Variants in MAPK4 observed in about 807,000 individuals in gnomAD.
The protein encoded by MAPK4 is Erk3-related.
In MAPK4, 22 loss-of-function variants were observed where a neutral mutation model predicts 47.7. The ratio of observed to expected loss-of-function variants is 0.46; its 90% CI spans 0.33 to 0.66. MAPK4 has a LOEUF of 0.66. Among genes scored for constraint, MAPK4 ranks in the 30% least tolerant of loss-of-function variants. The probability of loss-of-function intolerance (pLI) is 0.02; values close to 1 mark genes in which losing one functional copy is unlikely to be tolerated. For missense variants in MAPK4, 736 were observed against 831.7 expected, an observed-to-expected ratio of 0.88 and a Z score of 1.42; for synonymous variants, 390 against 365.7, an observed-to-expected ratio of 1.07 and a Z score of -0.76.
At chr18:50,573,038 T>C (rs913240352) in intron 1 of MAPK4, among the ~76,000 whole-genome samples, 1 of 152,150 alleles carries the variant, frequency 6.6e-6, no homozygotes, top group Non-Finnish European at 1.5e-5. Context: ...TATGGGGCAG[T>C]CATAAGCTTT....
At chr18:50,707,428 G>A (rs2144405616) in intron 2 of MAPK4, among the ~76,000 whole-genome samples, 1 of 152,130 alleles carries the variant, frequency 6.6e-6, no homozygotes, top group African/African-American at 2.4e-5. Flanking sequence ...AAATTAGCAA[G>A]GCATGGTGGC....
intron 2 of MAPK4, among the ~76,000 whole-genome samples, chr18:50,679,692 G>C (rs981109031): frequency 6.6e-6 from 1 of 152,174 alleles, no homozygotes; most frequent in African/African-American, 2.4e-5. Context: ...GAACTTTCCT[G>C]GTACCCTCTG....
At chr18:50,585,311 T>C (rs2042378958) in intron 1 of MAPK4, among the ~76,000 whole-genome samples, 1 of 152,190 alleles carries the variant, frequency 6.6e-6, no homozygotes. Context: ...TGATCTTTGA[T>C]ATGAATGTCG....
Position 50,729,287 on chromosome 18 carries a change from G to A in MAPK4, c.1197G>A (p.Lys399=). The change falls in exon 6 of 6, where the codon AAG becomes AAA. Residue 399 remains lysine, a synonymous_variant. Coordinates refer to ENST00000400384, the MANE Select transcript of MAPK4 (RefSeq NM_002747.4). ...LAEDVQVDPR[K]DSHSSSERFL... Reference sequence around the variant, plus strand: ...AGGACGTGCAGGTGGACCCGCGCAAGGACTCGCACAGCAGCTCCGAGCGCT... The same window carrying A: ...AGGACGTGCAGGTGGACCCGCGCAAAGACTCGCACAGCAGCTCCGAGCGCT... 6.2e-7 allele frequency: 1 copy of A among 1,608,976 alleles called. No individual in the cohort carries two copies. The highest frequency in any genetic ancestry group is 8.5e-7 in the Non-Finnish European group (1 of 1,177,650).
intron 1 of MAPK4, among the ~76,000 whole-genome samples, chr18:50,635,777 C>T (rs1407115679): frequency 4.6e-5 from 7 of 152,174 alleles, no homozygotes; most frequent in African/African-American, 2.4e-5. Context: ...GTCTGGTCCA[C>T]GGGTGCTTAT....
intron 2 of MAPK4, chr18:50,670,172 A>C (rs886831801): frequency 1.3e-5 from 2 of 152,096 alleles, no homozygotes; most frequent in Admixed American, 6.6e-5. Flanking sequence ...AAAAAAAAAA[A>C]AAAACACTCA....
At chr18:50,705,965 G>A (rs893135466) in intron 2 of MAPK4, 1 of 152,144 alleles carries the variant, frequency 6.6e-6, no homozygotes, top group African/African-American at 2.4e-5. Context: ...TCACTGCTGG[G>A]ATCAGATCTC....
chr18:50,602,776 A>C (rs2042551772), intron 1 of MAPK4, among the ~76,000 whole-genome samples: 1 of 152,174 alleles, frequency 6.6e-6, no homozygotes, highest in Admixed American at 6.5e-5. Context: ...TGCATGAAGG[A>C]GATACAAGAA....
intron 3 of MAPK4, among the ~76,000 whole-genome samples, chr18:50,716,055 G>A (rs1031099961): frequency 1.3e-5 from 2 of 152,136 alleles, no homozygotes; most frequent in African/African-American, 4.8e-5. Flanking sequence ...CCTCCATGAC[G>A]TCTCTCCTAA....
chr18:50,665,333 G>C (rs369464088), intron 2 of MAPK4, among the ~76,000 whole-genome samples: 4 of 152,220 alleles, frequency 2.6e-5, no homozygotes, highest in African/African-American at 9.6e-5. Context: ...CCACTTTAGG[G>C]GTGCCTCTGA....
intron 2 of MAPK4, among the ~76,000 whole-genome samples, chr18:50,698,954 G>T (rs1909644398): frequency 6.6e-6 from 1 of 152,160 alleles, no homozygotes; most frequent in African/African-American, 2.4e-5. Flanking sequence ...GAACCCAAGA[G>T]GCAGAGGCTG....
chr18:50,565,133 A>G (rs1433116817), intron 1 of MAPK4, among the ~76,000 whole-genome samples: 1 of 152,238 alleles, frequency 6.6e-6, no homozygotes, highest in Admixed American at 6.5e-5. Context: ...ATAGGAGCTA[A>G]GAGAATGTTC....
At chr18:50,725,393 T>C (rs1204373626) in intron 4 of MAPK4, among the ~76,000 whole-genome samples, 1 of 152,230 alleles carries the variant, frequency 6.6e-6, no homozygotes, top group Non-Finnish European at 1.5e-5. Flanking sequence ...TTTTTACTGC[T>C]GCACCTGGCA....
intron 1 of MAPK4, among the ~76,000 whole-genome samples, chr18:50,624,189 C>T (rs1448953499): frequency 1.3e-5 from 2 of 152,288 alleles, no homozygotes; most frequent in East Asian, 3.9e-4. Context: ...ATGGCTAACA[C>T]AATGCTGGGG....
At chr18:50,645,083 A>C (rs959766646) in intron 1 of MAPK4, among the ~76,000 whole-genome samples, 3 of 152,180 alleles carry the variant, frequency 2.0e-5, no homozygotes, top group Non-Finnish European at 4.4e-5. Flanking sequence ...GGTGGCTGGG[A>C]GAGAGTGGCA....
intron 2 of MAPK4, among the ~76,000 whole-genome samples, chr18:50,691,386 G>C (rs1473892882): frequency 6.6e-6 from 1 of 151,978 alleles, no homozygotes; most frequent in Non-Finnish European, 1.5e-5. Flanking sequence ...GCATGTCCTG[G>C]GAAGGGCAGG....
At chr18:50,694,990 T>C (rs1264871807) in intron 2 of MAPK4, among the ~76,000 whole-genome samples, 3 of 152,102 alleles carry the variant, frequency 2.0e-5, no homozygotes, top group African/African-American at 7.2e-5. Context: ...ACTGGCAGTG[T>C]TTATTATTAT....
Position 50,663,752 on chromosome 18 carries a change from GCCCCCAAC to G in MAPK4, c.-206_-199del. ...AATGCAGGTTAAGACGACAGCCTGC[GCCCCCAAC>G]TAGCACAGCTCAGCGAGCATGACCA... On this transcript the variant is annotated 5_prime_UTR_variant, in exon 2 of 6. It removes the in-frame stop codon of an upstream open reading frame in the 5' UTR. Transcript: ENST00000400384. 12 of 491,530 alleles carry G rather than the reference GCCCCCAAC, an allele frequency of 2.4e-5. No homozygotes were observed. Among genetic ancestry groups the G allele is most frequent in the Admixed American group, 1.0e-4 (3 of 28,822 alleles). The allele number at this position is 491,530 out of a possible 1,614,324, so 30.4% of individuals were successfully genotyped here. A position where few individuals can be genotyped will look rare whatever the true frequency, so the allele number is the denominator to read the frequency against.
Position 50,710,641 on chromosome 18 carries a change from G to A in MAPK4, c.547-4438G>A, listed in dbSNP as rs35488723. ...AAATACAAAAAAAAATTAGCCGGGC[G>A]TGGTGGCAGGCACCTGCAGTCCCGG... On this transcript the variant is annotated intron_variant, in intron 2 of 5. Transcript: ENST00000400384. 6.5e-3 allele frequency among the ~76,000 whole-genome samples: 983 copies of A among 151,994 alleles called. 42 individuals carry two copies. In the East Asian group the frequency reaches 0.12, roughly 19 times the overall value.
Sources: gnomAD v4.1 joint callset for allele counts (sites outside exome capture counted in the v4.1 genomes callset) on GRCh38, gnomAD v4.1.1 for gene constraint, MANE v1.5 for transcripts, NCBI Gene and HGNC (gene_info 2026-07-23, HGNC 2026-07-21) for gene names.